Variants in STARD13 observed in about 807,000 individuals in gnomAD.
STARD13 encodes StAR related lipid transfer domain containing 13.
Under a neutral mutation model 106.4 loss-of-function variants are expected in STARD13, and 62 were observed. The ratio of observed to expected loss-of-function variants is 0.58; its 90% confidence interval spans 0.48 to 0.72. The LOEUF is 0.72. Among genes scored for constraint, STARD13 ranks in the 30% least tolerant of loss-of-function variants. The probability of loss-of-function intolerance (pLI) is 0.00; values close to 1 mark genes in which losing one functional copy is unlikely to be tolerated. For synonymous variants in STARD13, 565 were observed against 553.0 expected, an observed-to-expected ratio of 1.02 and a Z score of -0.31; for missense variants, 1,387 against 1,424.0, an observed-to-expected ratio of 0.97 and a Z score of 0.42.
chr13:33,617,373 T>G, the STARD13 span, among the ~76,000 whole-genome samples: 1 of 152,196 alleles, frequency 6.6e-6, no homozygotes, highest in South Asian at 2.1e-4. Flanking sequence ...CTGAGACTAC[T>G]TAATAGTTGA....
intron 1 of STARD13, among the ~76,000 whole-genome samples, chr13:33,317,982 G>T (rs746272835): frequency 5.9e-5 from 9 of 152,170 alleles, no homozygotes; most frequent in Non-Finnish European, 1.2e-4. Context: ...CAGTTAGTAA[G>T]TAATGGAGTC....
At chr13:33,395,276 A>G in the STARD13 span, among the ~76,000 whole-genome samples, 3 of 152,144 alleles carry the variant, frequency 2.0e-5, no homozygotes, top group East Asian at 1.9e-4. Flanking sequence ...TAAAAGGACA[A>G]TTTATAGTAG....
At chr13:33,350,273 G>A (rs1332879330) in intron 1 of STARD13, 12 of 1,522,504 alleles carry the variant, frequency 7.9e-6, no homozygotes, top group South Asian at 1.2e-5. Context: ...GGGTCGCGGC[G>A]TCTCCGGGGC....
the STARD13 span, among the ~76,000 whole-genome samples, chr13:33,664,264 A>G: frequency 6.6e-6 from 1 of 152,160 alleles, no homozygotes; most frequent in African/African-American, 2.4e-5. Context: ...GTGGTCCACT[A>G]TCACATACAA....
At chr13:33,631,459 T>C in the STARD13 span, among the ~76,000 whole-genome samples, 2 of 152,264 alleles carry the variant, frequency 1.3e-5, no homozygotes, top group African/African-American at 4.8e-5. Context: ...CTTACATTGG[T>C]AAATCATGTA....
At chr13:33,465,618 A>G in the STARD13 span, among the ~76,000 whole-genome samples, 3 of 152,220 alleles carry the variant, frequency 2.0e-5, no homozygotes, top group African/African-American at 7.2e-5. Flanking sequence ...GATGGGACTT[A>G]CAGGATCTTT....
At chr13:33,164,265 T>C (rs1052058314) in intron 3 of STARD13, 7 of 152,186 alleles carry the variant, frequency 4.6e-5, no homozygotes, top group Non-Finnish European at 8.8e-5. Flanking sequence ...GACACAAAAA[T>C]ATATTATGTA....
chr13:33,589,062 A>G, the STARD13 span, among the ~76,000 whole-genome samples: 2 of 152,168 alleles, frequency 1.3e-5, no homozygotes, highest in Non-Finnish European at 2.9e-5. Context: ...CTGACCAATC[A>G]TTTACACATT....
chr13:33,332,665 C>T (rs2077850042), intron 1 of STARD13, among the ~76,000 whole-genome samples: 1 of 152,136 alleles, frequency 6.6e-6, no homozygotes, highest in African/African-American at 2.4e-5. Flanking sequence ...TCAGAGCAGC[C>T]CACACCACCT....
At chr13:33,336,571 T>C (rs1420659756) in intron 1 of STARD13, 1 of 152,140 alleles carries the variant, frequency 6.6e-6, no homozygotes, top group Non-Finnish European at 1.5e-5. Context: ...CCAGGCAACA[T>C]GGCGAGACTC....
At chr13:33,326,311 T>A (rs891986937) in intron 1 of STARD13, among the ~76,000 whole-genome samples, 1 of 152,224 alleles carries the variant, frequency 6.6e-6, no homozygotes, top group Non-Finnish European at 1.5e-5. Context: ...AGAGCTGTTT[T>A]CACTTAGTTA....
chr13:33,217,026 T>C (rs377709679), intron 1 of STARD13, among the ~76,000 whole-genome samples: 2 of 152,162 alleles, frequency 1.3e-5, no homozygotes, highest in African/African-American at 4.8e-5. Context: ...AACTGCATGC[T>C]TTTTATAAAC....
chr13:33,263,316 T>C (rs940776837), intron 1 of STARD13, among the ~76,000 whole-genome samples: 1 of 152,114 alleles, frequency 6.6e-6, no homozygotes, highest in Non-Finnish European at 1.5e-5. Context: ...GGCAAAATTG[T>C]ACCTGCTTGC....
the STARD13 span, among the ~76,000 whole-genome samples, chr13:33,456,332 G>A: frequency 6.6e-6 from 1 of 152,126 alleles, no homozygotes; most frequent in African/African-American, 2.4e-5. Context: ...TAGGATTACA[G>A]GCGTGAGCCA....
chr13:33,117,963 T>C (rs1288868423), intron 8 of STARD13, 102 bp downstream of exon 8: 30 of 1,554,768 alleles, frequency 1.9e-5, no homozygotes, highest in Non-Finnish European at 2.4e-5. Flanking sequence ...TCTTTATGGA[T>C]TGATGTATTA....
rs1343902589 is a variant in STARD13 at position 33,166,696 on chromosome 13, A to G, written c.241+855T>C. ...ACATGAGTATGTCTATTAACTGTCAATTAAAGAATCAATGAAAAGGCTGGG... is the reference window on the plus strand; with the variant it reads ...ACATGAGTATGTCTATTAACTGTCAGTTAAAGAATCAATGAAAAGGCTGGG... On this transcript the variant is annotated intron_variant, in intron 2 of 13. Coordinates refer to ENST00000336934, the MANE Select transcript of STARD13 (RefSeq NM_178006.4). 2.0e-5 allele frequency among the ~76,000 whole-genome samples: 3 copies of G among 152,304 alleles called. No individual in the cohort carries two copies. The East Asian group carries it at 5.8e-4, about 29-fold the overall frequency.
chr13:33,180,045 A>T (rs979974928), intron 1 of STARD13, among the ~76,000 whole-genome samples: 1 of 152,232 alleles, frequency 6.6e-6, no homozygotes, highest in East Asian at 1.9e-4. Context: ...ACAAGTATCT[A>T]ACATGCAATT....
At position 33,285,612 on chromosome 13, in the gene STARD13, T is replaced by TG. The variant is rs1892019367; in HGVS notation, c.26dup (p.Ala10SerfsTer13). On this transcript the variant is annotated frameshift_variant, in exon 1 of 14. Coordinates refer to ENST00000336934, the MANE Select transcript of STARD13 (RefSeq NM_178006.4). LOFTEE classifies it high-confidence loss of function. ...AATTTAGGTAGTAGCAGCCTGAGGC[T>TG]GGGGTCCTGGGCACCTGACTGAACA... The TG allele has an allele frequency of 6.2e-7, 1 of 1,613,374 alleles. No homozygotes were observed. Among genetic ancestry groups the TG allele is most frequent in the Non-Finnish European group, 8.5e-7 (1 of 1,179,912 alleles).
the STARD13 span, among the ~76,000 whole-genome samples, chr13:33,450,988 T>C: frequency 4.0e-5 from 6 of 151,892 alleles, no homozygotes; most frequent in Non-Finnish European, 7.4e-5. Context: ...GCTCGAGGAA[T>C]CCTTCCACCT....
Sources: allele counts gnomAD v4.1 joint callset (sites outside exome capture counted in the v4.1 genomes callset), GRCh38; gene constraint gnomAD v4.1.1; transcripts MANE v1.5; gene names NCBI Gene and HGNC (gene_info 2026-07-23, HGNC 2026-07-21).